The following CSMD1 variants were observed in gnomAD, a reference collection of about 807,000 sequenced individuals.
CSMD1 encodes the protein CUB and sushi domain-containing protein 1.
Under a neutral mutation model 417.5 loss-of-function variants are expected in CSMD1, and 213 were observed. The ratio of observed to expected loss-of-function variants is 0.51; its 90% CI spans 0.46 to 0.57. CSMD1 has a LOEUF of 0.57. Among genes scored for constraint, CSMD1 ranks in the 20% least tolerant of loss-of-function variants. CSMD1 has a pLI of 0.00. For synonymous variants in CSMD1, 2,862 were observed against 1,736.8 expected (o/e 1.65, Z -16.11); for missense variants, 6,923 against 4,529.7 (o/e 1.53, Z -15.17).
At chr8:3,435,025 C>T (rs928214730) in intron 12 of CSMD1, among the ~76,000 whole-genome samples, 1 of 149,204 alleles carries the variant, frequency 6.7e-6, no homozygotes, top group African/African-American at 2.4e-5. Flanking sequence ...GCAGACAGGA[C>T]TGGGAGCTGG....
At chr8:3,782,003 G>C (rs919564429) in intron 5 of CSMD1, among the ~76,000 whole-genome samples, 1 of 150,428 alleles carries the variant, frequency 6.6e-6, no homozygotes, top group Non-Finnish European at 1.5e-5. Flanking sequence ...AAGACATTTT[G>C]ATTTTTTAAG....
intron 5 of CSMD1, among the ~76,000 whole-genome samples, chr8:3,980,311 C>T (rs1346845386): frequency 6.6e-6 from 1 of 152,206 alleles, no homozygotes; most frequent in Non-Finnish European, 1.5e-5. Context: ...TCTTGTCACA[C>T]TGTAATATGC....
intron 33 of CSMD1, among the ~76,000 whole-genome samples, chr8:3,196,985 C>T (rs570416597): frequency 6.6e-6 from 1 of 152,326 alleles, no homozygotes; most frequent in South Asian, 2.1e-4. Flanking sequence ...CATGATGTCA[C>T]TCACACCTTC....
intron 51 of CSMD1, among the ~76,000 whole-genome samples, chr8:3,025,997 C>A (rs1809843781): frequency 6.6e-6 from 1 of 152,072 alleles, no homozygotes; most frequent in South Asian, 2.1e-4. Flanking sequence ...CCCTACGTGT[C>A]CCACCCCTGA....
At chr8:4,970,075 A>G (rs1297901907) in intron 1 of CSMD1, among the ~76,000 whole-genome samples, 1 of 152,198 alleles carries the variant, frequency 6.6e-6, no homozygotes, top group Non-Finnish European at 1.5e-5. Flanking sequence ...TGACAAAAGT[A>G]TTCAGTTTCA....
At chr8:3,041,317 A>G (rs7831764) in intron 50 of CSMD1, among the ~76,000 whole-genome samples, 38,239 of 152,130 alleles carry the variant, frequency 0.25, 5,597 homozygotes, top group East Asian at 0.33. Flanking sequence ...ACAGCATTAT[A>G]TTAATATAGA....
intron 3 of CSMD1, among the ~76,000 whole-genome samples, chr8:4,274,618 A>C (rs1338249977): frequency 6.6e-6 from 1 of 152,154 alleles, no homozygotes; most frequent in Non-Finnish European, 1.5e-5. Flanking sequence ...TGAAATTTCT[A>C]TTAAATATCG....
At chr8:3,295,039 C>G (rs12681842) in intron 25 of CSMD1, among the ~76,000 whole-genome samples, 5,659 of 152,204 alleles carry the variant, frequency 0.037, 173 homozygotes, top group Admixed American at 0.089. Context: ...TATTGTACTA[C>G]TCTGTGTGTT....
At chr8:4,967,465 T>C (rs992805429) in intron 1 of CSMD1, among the ~76,000 whole-genome samples, 20 of 152,146 alleles carry the variant, frequency 1.3e-4, no homozygotes, top group Admixed American at 9.2e-4. Flanking sequence ...CTATTACCAG[T>C]GAATATATTA....
chr8:4,606,382 G>A (rs1198427633), intron 2 of CSMD1, among the ~76,000 whole-genome samples: 4 of 152,082 alleles, frequency 2.6e-5, no homozygotes, highest in Admixed American at 1.3e-4. Context: ...TTCTTTCTGT[G>A]CCAGAGGTGA....
intron 3 of CSMD1, among the ~76,000 whole-genome samples, chr8:4,067,060 C>A (rs565077697): frequency 6.6e-6 from 1 of 152,174 alleles, no homozygotes; most frequent in Non-Finnish European, 1.5e-5. Flanking sequence ...TGCCACATGG[C>A]GAAGACTGAA....
intron 12 of CSMD1, among the ~76,000 whole-genome samples, chr8:3,418,099 G>A (rs73657879): frequency 0.019 from 2,851 of 152,276 alleles, 55 homozygotes; most frequent in East Asian, 0.096. Context: ...GAAATACCAT[G>A]TTTGCTTTTC....
chr8:3,454,099 T>C (rs1815942940), intron 12 of CSMD1, among the ~76,000 whole-genome samples: 1 of 152,162 alleles, frequency 6.6e-6, no homozygotes, highest in South Asian at 2.1e-4. Context: ...TCTTTGTTGG[T>C]TTAAAGTCTG....
intron 7 of CSMD1, among the ~76,000 whole-genome samples, chr8:3,666,296 G>A (rs1798691371): frequency 6.6e-6 from 1 of 152,132 alleles, no homozygotes; most frequent in Admixed American, 6.5e-5. Context: ...TAGATTGTGA[G>A]AACCGATGTG....
At chr8:4,298,599 A>G (rs1254278231) in intron 3 of CSMD1, among the ~76,000 whole-genome samples, 1 of 152,192 alleles carries the variant, frequency 6.6e-6, no homozygotes, top group African/African-American at 2.4e-5. Flanking sequence ...TGATACACAT[A>G]TTTAATGTTA....
intron 2 of CSMD1, among the ~76,000 whole-genome samples, chr8:4,531,738 G>C (rs1193346128): frequency 6.6e-6 from 1 of 152,154 alleles, no homozygotes; most frequent in Non-Finnish European, 1.5e-5. Flanking sequence ...CCCATACCAT[G>C]AAATTCACTC....
chr8:4,388,577 A>G (rs921375945), intron 3 of CSMD1, among the ~76,000 whole-genome samples: 1 of 151,638 alleles, frequency 6.6e-6, no homozygotes, highest in African/African-American at 2.4e-5. Flanking sequence ...GTGATGGATA[A>G]AAGACTGCAA....
At chr8:4,145,612 G>C (rs760148992) in intron 3 of CSMD1, among the ~76,000 whole-genome samples, 4 of 150,876 alleles carry the variant, frequency 2.7e-5, no homozygotes, top group Non-Finnish European at 4.4e-5. Flanking sequence ...TAGTGTCAAA[G>C]TCCTCGGCTC....
At chr8:4,742,053 C>T (rs1274008250) in intron 1 of CSMD1, among the ~76,000 whole-genome samples, 3 of 77,320 alleles carry the variant, frequency 3.9e-5, no homozygotes, top group African/African-American at 1.5e-4. Flanking sequence ...TTTTTTGAGA[C>T]GGAGTCTCTC....
Sources: gnomAD v4.1 joint callset for allele counts (sites outside exome capture counted in the v4.1 genomes callset) on GRCh38, gnomAD v4.1.1 for gene constraint, MANE v1.5 for transcripts, NCBI Gene and HGNC (gene_info 2026-07-23, HGNC 2026-07-21) for gene names.